The following PTPRD variants were observed in gnomAD, a reference collection of about 807,000 sequenced individuals.
The protein encoded by PTPRD is protein tyrosine phosphatase receptor type D.
In PTPRD, 34 loss-of-function variants were observed where a neutral mutation model predicts 214.5. The ratio of observed to expected loss-of-function variants is 0.16; its 90% confidence interval spans 0.12 to 0.21. PTPRD has a LOEUF of 0.21. PTPRD is among the 10% of genes least tolerant of loss of function. The pLI, the probability that PTPRD is intolerant of heterozygous loss-of-function variation, is 1.00. For missense variants in PTPRD, 2,545 were observed against 2,398.7 expected, an observed-to-expected ratio of 1.06 and a Z score of -1.27; for synonymous variants, 1,128 against 845.7, an observed-to-expected ratio of 1.33 and a Z score of -5.79.
intron 3 of PTPRD, among the ~76,000 whole-genome samples, chr9:10,204,551 A>C (rs769966718): frequency 6.6e-6 from 1 of 152,136 alleles, no homozygotes; most frequent in Non-Finnish European, 1.5e-5. Flanking sequence ...GTTTGGGTAC[A>C]ATAAATACAA....
rs1342367559 is a variant in PTPRD at position 9,578,286 on chromosome 9, T to C, written c.-286-3505A>G. Among the ~76,000 whole-genome samples the C allele has an allele frequency of 2.0e-5, 3 of 152,076 alleles. No individual in the cohort carries two copies. In the East Asian group the frequency reaches 5.8e-4, roughly 29 times the overall value. On this transcript the variant is annotated intron_variant, in intron 7 of 45. Transcript: ENST00000381196. ...ACAGAAATCTTGAAAAGTTATACAT[T>C]CAAGTTTAATTTTTTAGTATTATTT...
chr9:9,456,404 C>G (rs963592893), intron 8 of PTPRD, among the ~76,000 whole-genome samples: 1 of 151,836 alleles, frequency 6.6e-6, no homozygotes, highest in Non-Finnish European at 1.5e-5. Flanking sequence ...CAAAACCATT[C>G]AATTCCTCCC....
chr9:10,353,396 C>G (rs142772083), intron 2 of PTPRD, among the ~76,000 whole-genome samples: 1 of 151,902 alleles, frequency 6.6e-6, no homozygotes, highest in African/African-American at 2.4e-5. Flanking sequence ...ATTCCACTTC[C>G]TAACAGCACT....
intron 31 of PTPRD, among the ~76,000 whole-genome samples, chr9:8,469,244 C>T (rs1215875879): frequency 1.3e-5 from 2 of 152,134 alleles, no homozygotes; most frequent in South Asian, 4.1e-4. Context: ...ATTAGTGTTG[C>T]TGTGCATTTT....
At chr9:10,248,865 G>A (rs776461411) in intron 3 of PTPRD, among the ~76,000 whole-genome samples, 1 of 117,038 alleles carries the variant, frequency 8.5e-6, no homozygotes. Context: ...TATGCACAGA[G>A]GTGATATTTT....
intron 12 of PTPRD, among the ~76,000 whole-genome samples, chr9:8,664,027 G>A (rs115968178): frequency 1.6e-3 from 246 of 152,152 alleles, no homozygotes; most frequent in African/African-American, 5.7e-3. Context: ...ATTTCCTGCA[G>A]TCTTTTCATT....
chr9:8,975,890 C>T (rs571507728), intron 11 of PTPRD, among the ~76,000 whole-genome samples: 1 of 151,782 alleles, frequency 6.6e-6, no homozygotes, highest in South Asian at 2.1e-4. Context: ...ATCATGACAG[C>T]ATTTGTACTT....
At chr9:9,561,812 C>T (rs754146577) in intron 8 of PTPRD, among the ~76,000 whole-genome samples, 2 of 152,010 alleles carry the variant, frequency 1.3e-5, no homozygotes, top group Non-Finnish European at 2.9e-5. Flanking sequence ...CTGGTTGTAC[C>T]TTCTCTCATT....
intron 4 of PTPRD, among the ~76,000 whole-genome samples, chr9:9,939,135 C>T (rs897667930): frequency 3.3e-5 from 5 of 151,844 alleles, no homozygotes; most frequent in Non-Finnish European, 5.9e-5. Flanking sequence ...TGATAAAGAA[C>T]ACTGATGTTT....
chr9:10,570,427 A>G (rs73642016), intron 2 of PTPRD, among the ~76,000 whole-genome samples: 9,412 of 152,208 alleles, frequency 0.062, 302 homozygotes, highest in South Asian at 0.12. Flanking sequence ...ATTCTAAAAT[A>G]AGGCAACATA....
intron 10 of PTPRD, among the ~76,000 whole-genome samples, chr9:9,023,803 T>C (rs561521850): frequency 6.6e-6 from 1 of 152,222 alleles, no homozygotes; most frequent in East Asian, 1.9e-4. Flanking sequence ...GATTACGGCC[T>C]CCATCTCCAT....
intron 9 of PTPRD, among the ~76,000 whole-genome samples, chr9:9,286,859 T>G (rs1303499121): frequency 8.5e-6 from 1 of 118,022 alleles, no homozygotes; most frequent in Admixed American, 8.9e-5. Context: ...CTCAAGGCAG[T>G]CTTGAAACTA....
At chr9:10,087,731 G>A (rs1262345510) in intron 3 of PTPRD, among the ~76,000 whole-genome samples, 1 of 151,676 alleles carries the variant, frequency 6.6e-6, no homozygotes, top group Non-Finnish European at 1.5e-5. Context: ...TAGAATATGA[G>A]TGCTTAATAT....
At chr9:9,017,617 T>TA (rs1288943418) in intron 11 of PTPRD, among the ~76,000 whole-genome samples, 1 of 152,162 alleles carries the variant, frequency 6.6e-6, no homozygotes, top group Non-Finnish European at 1.5e-5. Context: ...AGAACACTAG[T>TA]AAGGAAACTT....
intron 3 of PTPRD, among the ~76,000 whole-genome samples, chr9:10,148,961 G>A (rs1289497772): frequency 6.6e-6 from 1 of 152,156 alleles, no homozygotes; most frequent in African/African-American, 2.4e-5. Context: ...AGTGTGATAT[G>A]TGAGAACAGA....
At chr9:9,831,569 C>T (rs540343127) in intron 5 of PTPRD, among the ~76,000 whole-genome samples, 1 of 151,836 alleles carries the variant, frequency 6.6e-6, no homozygotes, top group Admixed American at 6.6e-5. Context: ...ATTCTTTTTC[C>T]TGTAGGAGTT....
intron 3 of PTPRD, among the ~76,000 whole-genome samples, chr9:10,315,387 C>T (rs771713560): frequency 2.0e-5 from 3 of 151,748 alleles, no homozygotes; most frequent in African/African-American, 2.4e-5. Context: ...AATGTCTTAA[C>T]TTTATTACAT....
At chr9:10,308,685 T>A (rs1252437125) in intron 3 of PTPRD, among the ~76,000 whole-genome samples, 6 of 152,126 alleles carry the variant, frequency 3.9e-5, no homozygotes, top group Non-Finnish European at 8.8e-5. Flanking sequence ...CATTGTCTGA[T>A]TCATTATCAT....
chr9:9,908,091 T>A (rs1023110278), intron 5 of PTPRD, among the ~76,000 whole-genome samples: 5 of 120,212 alleles, frequency 4.2e-5, no homozygotes, highest in African/African-American at 1.5e-4. Context: ...AAAAAAAAAA[T>A]CTTAGAATAG....
Sources: allele counts gnomAD v4.1 joint callset (sites outside exome capture counted in the v4.1 genomes callset), GRCh38; gene constraint gnomAD v4.1.1; transcripts MANE v1.5; gene names NCBI Gene and HGNC (gene_info 2026-07-23, HGNC 2026-07-21).